Variants in AMPH observed in about 807,000 individuals in gnomAD.
The protein encoded by AMPH is amphiphysin (Stiff-Mann syndrome with breast cancer 128kD autoantigen).
AMPH carries 49 observed loss-of-function variants against 99.1 expected under a neutral mutation model. That is an observed-to-expected ratio of 0.49 (90% CI 0.39 to 0.63). The LOEUF (loss-of-function observed/expected upper bound fraction) is 0.63. Ranked by LOEUF, AMPH falls within the 20% of genes least tolerant of loss-of-function variation. AMPH has a pLI of 0.00. For missense variants in AMPH, 759 were observed against 863.4 expected, an observed-to-expected ratio of 0.88 and a Z score of 1.52; for synonymous variants, 314 against 317.3, an observed-to-expected ratio of 0.99 and a Z score of 0.11.
At chr7:38,409,504 C>G (rs959132554) in intron 17 of AMPH, among the ~76,000 whole-genome samples, 5 of 152,208 alleles carry the variant, frequency 3.3e-5, no homozygotes, top group Non-Finnish European at 7.3e-5. Flanking sequence ...CAAGCTCTCT[C>G]ATGGTACCCC....
intron 2 of AMPH, among the ~76,000 whole-genome samples, chr7:38,514,833 G>A (rs537876039): frequency 5.3e-5 from 8 of 152,258 alleles, no homozygotes; most frequent in Non-Finnish European, 7.4e-5. Context: ...AGACTGAGAC[G>A]GAAAATTTAT....
At chr7:38,469,421 A>G (rs3807421) in intron 7 of AMPH, among the ~76,000 whole-genome samples, 52,132 of 151,700 alleles carry the variant, frequency 0.34, 9,513 homozygotes, top group East Asian at 0.54. Flanking sequence ...CAGATTGCAG[A>G]CCTGAGCACT....
intron 2 of AMPH, among the ~76,000 whole-genome samples, chr7:38,517,775 A>T (rs1277330716): frequency 6.6e-5 from 10 of 152,250 alleles, no homozygotes; most frequent in African/African-American, 2.4e-4. Context: ...CAGCCTGACT[A>T]TGTAAAGAAT....
intron 17 of AMPH, among the ~76,000 whole-genome samples, chr7:38,410,030 C>T (rs895020551): frequency 6.6e-6 from 1 of 152,150 alleles, no homozygotes; most frequent in East Asian, 1.9e-4. Flanking sequence ...GAGCAGCCGC[C>T]GTGGACAGCT....
chr7:38,630,726 C>T (rs1412261368), intron 1 of AMPH, among the ~76,000 whole-genome samples: 1 of 152,230 alleles, frequency 6.6e-6, no homozygotes, highest in Middle Eastern at 3.2e-3. Context: ...TGATCACGAT[C>T]CTACCCTATT....
At chr7:38,401,409 G>A (rs868019673) in intron 17 of AMPH, among the ~76,000 whole-genome samples, 37 of 152,222 alleles carry the variant, frequency 2.4e-4, no homozygotes, top group African/African-American at 8.4e-4. Context: ...GCTTTATCAC[G>A]TCTTCCCACC....
In AMPH at chr7:38,627,953, A is replaced by G. The variant is rs1794315897; in HGVS notation, c.69+3330T>C. The stretch of plus-strand genomic sequence containing the variant: ...TGACTAATTCAACCACGCAAAAGAG[A>G]AACCAGACAAAACCAACCAATAGAT... On this transcript the variant is annotated intron_variant, in intron 1 of 20. Transcript: ENST00000356264. 2.0e-5 allele frequency among the ~76,000 whole-genome samples: 3 copies of G among 152,206 alleles called. No individual in the cohort carries two copies. In the South Asian group the frequency reaches 6.2e-4, roughly 31 times the overall value.
intron 8 of AMPH, among the ~76,000 whole-genome samples, 186 bp from the exon 9 acceptor site, chr7:38,465,735 C>T (rs1183458636): frequency 1.3e-5 from 2 of 152,046 alleles, no homozygotes; most frequent in African/African-American, 2.4e-5. Context: ...CTGAAACAAA[C>T]GAAACACGAG....
Position 38,408,835 on chromosome 7 carries a change from T to C in AMPH, c.1398+8990A>G, listed in dbSNP as rs111823277. Among the ~76,000 whole-genome samples, 39 of 152,314 alleles carry C rather than the reference T, an allele frequency of 2.6e-4. 1 individual carries two copies. The Middle Eastern group carries it at 0.01, about 40-fold the overall frequency. On this transcript the variant is annotated intron_variant, in intron 17 of 20. Coordinates refer to ENST00000356264, the MANE Select transcript of AMPH (RefSeq NM_001635.4). The stretch of plus-strand genomic sequence containing the variant: ...ATTATTTTGTCCTGTATTTGTTCTA[T>C]AGATTTCATTTTTGTCCTGTGGATT...
At chr7:38,616,586 C>T (rs1298710399) in intron 1 of AMPH, among the ~76,000 whole-genome samples, 1 of 152,054 alleles carries the variant, frequency 6.6e-6, no homozygotes, top group African/African-American at 2.4e-5. Context: ...TGGAAACAGA[C>T]AAAATGCCTA....
chr7:38,579,208 C>A (rs757507170), intron 1 of AMPH, among the ~76,000 whole-genome samples: 1 of 152,132 alleles, frequency 6.6e-6, no homozygotes, highest in Non-Finnish European at 1.5e-5. Context: ...TGTCCATCAC[C>A]GGTTTCTAGC....
At chr7:38,514,915 T>C (rs1173624000) in intron 2 of AMPH, among the ~76,000 whole-genome samples, 1 of 152,108 alleles carries the variant, frequency 6.6e-6, no homozygotes, top group Non-Finnish European at 1.5e-5. Context: ...GGGTAATGGA[T>C]AGAGGATGGA....
chr7:38,606,588 T>G (rs1322781104), intron 1 of AMPH, among the ~76,000 whole-genome samples: 12 of 64,554 alleles, frequency 1.9e-4, no homozygotes, highest in Admixed American at 1.5e-3. Flanking sequence ...TTTTTTTTTT[T>G]GTGAGACAGG....
Position 38,525,539 on chromosome 7 carries a change from G to C in AMPH, c.150+9392C>G, listed in dbSNP as rs1045787011. The stretch of plus-strand genomic sequence containing the variant: ...TTCATGTATCCATCACCACAGTCAG[G>C]ATACAGAACTTTCCAGTCAGGACAA... On this transcript the variant is annotated intron_variant, in intron 2 of 20. Coordinates refer to ENST00000356264, the MANE Select transcript of AMPH (RefSeq NM_001635.4). Among the ~76,000 whole-genome samples the C allele has an allele frequency of 2.2e-4, 33 of 150,814 alleles. 1 individual carries two copies. Among genetic ancestry groups the C allele is most frequent in the African/African-American group, 6.6e-4 (27 of 40,882 alleles).
intron 1 of AMPH, among the ~76,000 whole-genome samples, chr7:38,577,931 C>T (rs1792306770): frequency 1.3e-5 from 2 of 152,124 alleles, no homozygotes; most frequent in African/African-American, 4.8e-5. Flanking sequence ...TCTCTACATC[C>T]CTCTTAGCAA....
chr7:38,400,568 T>G (rs1395969569), intron 17 of AMPH, among the ~76,000 whole-genome samples: 2 of 152,184 alleles, frequency 1.3e-5, no homozygotes, highest in South Asian at 4.1e-4. Flanking sequence ...GAAACACAAC[T>G]GGGTGACAGA....
chr7:38,530,020 A>C (rs1790335067), intron 2 of AMPH, among the ~76,000 whole-genome samples: 1 of 152,238 alleles, frequency 6.6e-6, no homozygotes, highest in African/African-American at 2.4e-5. Flanking sequence ...AAATGTCACG[A>C]AACCGCTTGC....
chr7:38,442,313 C>T (rs1375471411), intron 11 of AMPH, among the ~76,000 whole-genome samples: 2 of 152,160 alleles, frequency 1.3e-5, no homozygotes, highest in African/African-American at 4.8e-5. Context: ...TATGCTTACT[C>T]AGTCCACTCT....
intron 11 of AMPH, among the ~76,000 whole-genome samples, chr7:38,444,952 G>A (rs944036468): frequency 2.0e-5 from 3 of 146,618 alleles, no homozygotes; most frequent in African/African-American, 7.6e-5. Flanking sequence ...AAAGATCAAT[G>A]GATAATCACA....
Sources: allele counts gnomAD v4.1 joint callset (sites outside exome capture counted in the v4.1 genomes callset), GRCh38; gene constraint gnomAD v4.1.1; transcripts MANE v1.5; gene names NCBI Gene and HGNC (gene_info 2026-07-23, HGNC 2026-07-21).